Variants in SFI1 observed in about 807,000 individuals in gnomAD.
SFI1 encodes SFI1 centrin binding protein.
SFI1 carries 195 observed loss-of-function variants against 207.5 expected under a neutral mutation model. The observed-to-expected ratio is 0.94, with a 90% CI of 0.84 to 1.06. SFI1 has a LOEUF of 1.06. Among genes scored for constraint, SFI1 ranks in the 50% least tolerant of loss-of-function variants. The pLI is 0.00. For synonymous variants in SFI1, 630 were observed against 598.9 expected (o/e 1.05, Z -0.76); for missense variants, 1,634 against 1,588.0 (o/e 1.03, Z -0.49).
intron 15 of SFI1, among the ~76,000 whole-genome samples, chr22:31,592,826 T>C (rs1603266011): frequency 2.5e-5 from 3 of 122,148 alleles, no homozygotes; most frequent in African/African-American, 3.5e-5. Flanking sequence ...CCCACCTCCC[T>C]CCCGGACGGG....
intron 1 of SFI1, among the ~76,000 whole-genome samples, chr22:31,507,486 GA>G (rs2054814151): frequency 6.6e-6 from 1 of 152,110 alleles, no homozygotes; most frequent in Non-Finnish European, 1.5e-5. Flanking sequence ...AATTGCAACA[GA>G]ATCACAAATT....
At chr22:31,566,927 GACATGTCTC>G (rs1437954562) in intron 8 of SFI1, among the ~76,000 whole-genome samples, 1 of 151,384 alleles carries the variant, frequency 6.6e-6, no homozygotes, top group Non-Finnish European at 1.5e-5. Flanking sequence ...TTTCTTTTGA[GACATGTCTC>G]ACTCTGTCAC....
At chr22:31,507,263 C>A (rs1030230642) in intron 1 of SFI1, among the ~76,000 whole-genome samples, 2 of 152,116 alleles carry the variant, frequency 1.3e-5, no homozygotes. Context: ...GGAAAGGAGT[C>A]CCTATTTAAT....
Position 31,528,872 on chromosome 22 carries a change from A to C in SFI1, c.266+9A>C. On this transcript the variant is annotated intron_variant, in intron 3 of 32. Coordinates refer to ENST00000400288, the MANE Select transcript of SFI1 (RefSeq NM_001007467.3). Reference sequence around the variant, plus strand: ...AGAGAACTGCGCATCAGGTGAGCTTATGAGTGGCCACCAGTCTATGGGTAC... The same window carrying C: ...AGAGAACTGCGCATCAGGTGAGCTTCTGAGTGGCCACCAGTCTATGGGTAC... 1.2e-6 allele frequency: 2 copies of C among 1,608,434 alleles called. No homozygotes were observed. Among genetic ancestry groups the C allele is most frequent in the Non-Finnish European group, 1.7e-6 (2 of 1,176,114 alleles).
rs2063744430 is a variant in SFI1, at chr22:31,578,421, T to C, written c.1124T>C (p.Met375Thr). 6.2e-7 allele frequency: 1 copy of C among 1,613,832 alleles called. No individual in the cohort carries two copies. The highest frequency in any genetic ancestry group is 8.5e-7 in the Non-Finnish European group (1 of 1,179,804). Reference sequence around the variant, plus strand: ...GCAGAAGAAGCTGCCCAGTTTGAGATGGCAGAAGAGCACCACAGGCACAGC... The same window carrying C: ...GCAGAAGAAGCTGCCCAGTTTGAGACGGCAGAAGAGCACCACAGGCACAGC... ...LCAEEAAQFE[M>T]AEEHHRHSQL... Residue 375 changes from methionine to threonine, a missense_variant, in exon 11 of 33, where the codon ATG becomes ACG. Transcript: ENST00000400288.
At position 31,597,810 on chromosome 22, in the gene SFI1, C is replaced by T. The variant is rs2067368295; in HGVS notation, c.1545-4402C>T. 2.0e-5 allele frequency among the ~76,000 whole-genome samples: 3 copies of T among 151,998 alleles called. No homozygotes were observed. The South Asian group carries it at 6.2e-4, about 31-fold the overall frequency. On this transcript the variant is annotated intron_variant, in intron 15 of 32. Coordinates refer to ENST00000400288, the MANE Select transcript of SFI1 (RefSeq NM_001007467.3). ...TTTTTTAATGTTTTAGGAATATAGA[C>T]AGATTTTATGATGGAATCTCATGAA...
At chr22:31,524,013 C>T (rs190465160) in intron 2 of SFI1, among the ~76,000 whole-genome samples, 1 of 147,598 alleles carries the variant, frequency 6.8e-6, no homozygotes, top group East Asian at 2.0e-4. Flanking sequence ...ACTAGCCTGG[C>T]CAATATGGTG....
chr22:31,496,902 T>G (rs577678124), intron 1 of SFI1, among the ~76,000 whole-genome samples: 1 of 152,200 alleles, frequency 6.6e-6, no homozygotes, highest in African/African-American at 2.4e-5. Flanking sequence ...TCTTCCGCCC[T>G]GGGGGCACCG....
At chr22:31,540,031 G>C (rs1569252185) in intron 4 of SFI1, among the ~76,000 whole-genome samples, 1 of 151,442 alleles carries the variant, frequency 6.6e-6, no homozygotes, top group East Asian at 2.0e-4. Flanking sequence ...GCTTTTATAT[G>C]TAAGCATGAA....
At chr22:31,531,430 A>C (rs1410671273) in intron 4 of SFI1, among the ~76,000 whole-genome samples, 2 of 152,188 alleles carry the variant, frequency 1.3e-5, no homozygotes, top group African/African-American at 2.4e-5. Context: ...GCTTCAAAGA[A>C]AAAGAAAGAA....
At chr22:31,568,259 T>C (rs1198178637) in intron 8 of SFI1, among the ~76,000 whole-genome samples, 1 of 147,024 alleles carries the variant, frequency 6.8e-6, no homozygotes, top group Non-Finnish European at 1.5e-5. Context: ...GCATTTCTGG[T>C]CTGGCGCGAT....
chr22:31,617,461 C>A (rs975720902), intron 31 of SFI1, among the ~76,000 whole-genome samples: 1 of 152,164 alleles, frequency 6.6e-6, no homozygotes, highest in Non-Finnish European at 1.5e-5. Flanking sequence ...TGACTCACAC[C>A]TGTCATCCCA....
chr22:31,509,747 GCTA>G (rs1441965565), intron 2 of SFI1, among the ~76,000 whole-genome samples: 13 of 152,210 alleles, frequency 8.5e-5, no homozygotes, highest in African/African-American at 3.1e-4. Context: ...GATTTGGTTT[GCTA>G]CTATTTTTTG....
intron 8 of SFI1, among the ~76,000 whole-genome samples, chr22:31,569,027 A>G (rs2062686598): frequency 6.6e-6 from 1 of 152,234 alleles, no homozygotes; most frequent in Non-Finnish European, 1.5e-5. Flanking sequence ...TTCTTTAAAA[A>G]TTAAAGGCAA....
intron 4 of SFI1, among the ~76,000 whole-genome samples, chr22:31,531,495 C>T (rs1014848199): frequency 2.0e-5 from 3 of 152,180 alleles, no homozygotes; most frequent in African/African-American, 7.2e-5. Flanking sequence ...CGCCGTGGCT[C>T]ACGCCTGTAA....
chr22:31,525,717 C>CATAGATAGATAG (rs71722302), intron 2 of SFI1, among the ~76,000 whole-genome samples: 41 of 148,726 alleles, frequency 2.8e-4, no homozygotes, highest in Admixed American at 1.2e-3. Flanking sequence ...CTCTGTCATT[C>CATAGATAGATAG]ATAGATAGAT....
At chr22:31,515,022 G>T (rs1321102718) in intron 2 of SFI1, among the ~76,000 whole-genome samples, 1 of 152,082 alleles carries the variant, frequency 6.6e-6, no homozygotes, top group Non-Finnish European at 1.5e-5. Context: ...GCCCACCTCA[G>T]CCTCTCAAAG....
At chr22:31,525,918 G>C (rs1265000409) in intron 2 of SFI1, among the ~76,000 whole-genome samples, 5 of 152,084 alleles carry the variant, frequency 3.3e-5, no homozygotes, top group African/African-American at 1.2e-4. Context: ...TCTTTTTGCT[G>C]AGGATCACTT....
At chr22:31,564,548 A>T (rs982092201) in intron 8 of SFI1, among the ~76,000 whole-genome samples, 1 of 152,074 alleles carries the variant, frequency 6.6e-6, no homozygotes, top group Non-Finnish European at 1.5e-5. Context: ...TCTGCTGCCC[A>T]GTCTGGAGTG....
Sources: allele counts gnomAD v4.1 joint callset (sites outside exome capture counted in the v4.1 genomes callset), GRCh38; gene constraint gnomAD v4.1.1; transcripts MANE v1.5; gene names NCBI Gene and HGNC (gene_info 2026-07-23, HGNC 2026-07-21).